The following MYO9A variants were observed in gnomAD, a reference collection of about 807,000 sequenced individuals.
MYO9A encodes the protein unconventional myosin-IXa.
Under a neutral mutation model 293.3 loss-of-function variants are expected in MYO9A, and 103 were observed. The ratio of observed to expected loss-of-function variants is 0.35; its 90% CI spans 0.30 to 0.41. MYO9A has a LOEUF of 0.41. Among genes scored for constraint, MYO9A ranks in the 10% least tolerant of loss-of-function variants. The pLI is 1.00. For missense variants in MYO9A, 2,685 were observed against 3,033.0 expected, an observed-to-expected ratio of 0.89 and a Z score of 2.69; for synonymous variants, 1,001 against 1,035.7, an observed-to-expected ratio of 0.97 and a Z score of 0.64.
intron 41 of MYO9A, 119 bp from the exon 42 acceptor site, chr15:71,827,162 C>T: frequency 1.4e-6 from 1 of 735,508 alleles, no homozygotes; most frequent in South Asian, 2.0e-5. Flanking sequence ...TCAGAGGGTC[C>T]AGGATGACTT....
At chr15:71,841,676 C>A (rs1438851914) in intron 39 of MYO9A, among the ~76,000 whole-genome samples, 10 of 151,526 alleles carry the variant, frequency 6.6e-5, no homozygotes. Flanking sequence ...TAGGGTCTCC[C>A]CCTGTCACCC....
intron 8 of MYO9A, among the ~76,000 whole-genome samples, chr15:72,000,342 T>G (rs549867031): frequency 6.6e-6 from 1 of 152,270 alleles, no homozygotes; most frequent in African/African-American, 2.4e-5. Flanking sequence ...ATATTTCTTC[T>G]TCATGAATCT....
At chr15:71,954,607 C>T (rs1357212402) in intron 14 of MYO9A, among the ~76,000 whole-genome samples, 3 of 152,188 alleles carry the variant, frequency 2.0e-5, no homozygotes, top group Admixed American at 2.0e-4. Context: ...GCACCAAACA[C>T]ATAGTATAAA....
intron 18 of MYO9A, among the ~76,000 whole-genome samples, chr15:71,920,498 T>C (rs1167673453): frequency 6.6e-6 from 1 of 152,172 alleles, no homozygotes; most frequent in Non-Finnish European, 1.5e-5. Flanking sequence ...TCACTAGACA[T>C]CAACTCTGAA....
At chr15:71,908,291 T>C (rs2057727361) in intron 19 of MYO9A, among the ~76,000 whole-genome samples, 1 of 152,182 alleles carries the variant, frequency 6.6e-6, no homozygotes, top group East Asian at 1.9e-4. Flanking sequence ...TCTGTTCTGT[T>C]CCATTGATCT....
Position 71,851,350 on chromosome 15 carries a change from C to T in MYO9A, c.6484G>A (p.Glu2162Lys), listed in dbSNP as rs2055638922. 6.2e-7 allele frequency: 1 copy of T among 1,612,658 alleles called. No individual in the cohort carries two copies. The change falls in exon 37 of 42, where the codon GAG becomes AAG. Residue 2162 changes from glutamate (E) to lysine (K), a missense_variant. By Grantham distance (56) the Glu-to-Lys change is moderately conservative. Around this residue, in one of 10 missense-constraint regions of MYO9A, gnomAD observed 238 missense variants for 269.1 expected, o/e 0.88. Transcript: ENST00000356056. ...ACACCACGGATTGTCTCCTTCCTCT[C>T]CTGAAGGCCTAAAAACAGTAAGAGC... Reference protein sequence around the residue: ...EEFLRAMGLQERKETIRGVYS... With the variant: ...EEFLRAMGLQKRKETIRGVYS...
chr15:72,007,371 A>G (rs1351063371), intron 8 of MYO9A, among the ~76,000 whole-genome samples: 1 of 150,996 alleles, frequency 6.6e-6, no homozygotes, highest in African/African-American at 2.4e-5. Flanking sequence ...GAGAACCTTT[A>G]TGTCCTATTC....
intron 39 of MYO9A, among the ~76,000 whole-genome samples, chr15:71,842,175 C>T (rs2055189593): frequency 6.6e-6 from 1 of 151,668 alleles, no homozygotes. Flanking sequence ...GAGTTCAATA[C>T]CAACCTGGCC....
At chr15:72,002,898 A>G (rs1035225759) in intron 8 of MYO9A, among the ~76,000 whole-genome samples, 1 of 152,228 alleles carries the variant, frequency 6.6e-6, no homozygotes, top group Non-Finnish European at 1.5e-5. Flanking sequence ...GGAAAAAAGG[A>G]AGAAAATATC....
intron 1 of MYO9A, among the ~76,000 whole-genome samples, chr15:72,102,465 C>T (rs1596580929): frequency 7.2e-6 from 1 of 139,598 alleles, no homozygotes; most frequent in South Asian, 2.2e-4. Flanking sequence ...CTGTGAGAAA[C>T]ACCCAAGAAT....
chr15:71,900,527 G>T (rs2143441688), intron 23 of MYO9A, among the ~76,000 whole-genome samples: 1 of 152,228 alleles, frequency 6.6e-6, no homozygotes, highest in South Asian at 2.1e-4. Flanking sequence ...TTCCAGATAT[G>T]TTTGGCTAAA....
Position 71,968,022 on chromosome 15 carries a change from T to A in MYO9A, c.1948A>T (p.Ile650Leu). 1.2e-6 allele frequency: 2 copies of A among 1,611,836 alleles called. No homozygotes were observed. The highest frequency in any genetic ancestry group is 1.7e-6 in the Non-Finnish European group (2 of 1,179,164). Residue 650 changes from isoleucine (I) to leucine (L), a missense_variant, in exon 13 of 42, where the codon ATA (isoleucine) becomes TTA (leucine). This residue lies in a region of MYO9A where 201 missense variants were observed against 245.2 expected (regional missense o/e 0.82). Transcript: ENST00000356056. Reference sequence around the variant, plus strand: ...TTTACTTTTCCAGCATAATGTTTTATAATGAAAGCAGGCTCCATCACGGCT... The same window carrying A: ...TTTACTTTTCCAGCATAATGTTTTAAAATGAAAGCAGGCTCCATCACGGCT... ...FPAVMEPAFI[I>L]KHYAGKVKYG... is the part of the protein sequence containing the mutation.
intron 4 of MYO9A, among the ~76,000 whole-genome samples, chr15:72,024,816 G>A (rs2077613111): frequency 6.6e-6 from 1 of 151,190 alleles, no homozygotes; most frequent in African/African-American, 2.4e-5. Context: ...TAACCAATAA[G>A]AATATAAAAA....
intron 1 of MYO9A, among the ~76,000 whole-genome samples, chr15:72,101,471 G>A (rs1158330894): frequency 1.7e-5 from 2 of 118,556 alleles, no homozygotes; most frequent in Non-Finnish European, 3.6e-5. Flanking sequence ...AGGTGGCGGG[G>A]TCAGCCCCCC....
At chr15:71,992,587 CTG>C (rs2076572496) in intron 10 of MYO9A, among the ~76,000 whole-genome samples, 1 of 151,844 alleles carries the variant, frequency 6.6e-6, no homozygotes, top group Non-Finnish European at 1.5e-5. Context: ...ATTTTTATGA[CTG>C]TGAGTTTACC....
intron 26 of MYO9A, chr15:71,892,890 A>C (rs1169549541): frequency 1.1e-5 from 10 of 929,196 alleles, no homozygotes; most frequent in Non-Finnish European, 1.4e-5. Flanking sequence ...GAAGCTGTGA[A>C]GGTTAGCTTT....
intron 14 of MYO9A, among the ~76,000 whole-genome samples, chr15:71,955,034 C>T (rs945051318): frequency 2.4e-4 from 37 of 152,152 alleles, no homozygotes; most frequent in African/African-American, 8.7e-4. Flanking sequence ...TTTCTATCAC[C>T]CCCCCAAGTT....
At chr15:71,959,553 T>C (rs770976033) in intron 14 of MYO9A, 18 of 182,044 alleles carry the variant, frequency 9.9e-5, no homozygotes, top group African/African-American at 1.4e-4. Flanking sequence ...GATTTTATGA[T>C]TGAAGGGGGA....
At chr15:71,857,058 CAG>C (rs2141539699) in intron 34 of MYO9A, among the ~76,000 whole-genome samples, 1 of 152,244 alleles carries the variant, frequency 6.6e-6, no homozygotes, top group African/African-American at 2.4e-5. Context: ...TGCTGGGACA[CAG>C]ATGTGCAAAT....
Sources: gnomAD v4.1 joint callset for allele counts (sites outside exome capture counted in the v4.1 genomes callset) on GRCh38, gnomAD v4.1.1 for gene constraint, gnomAD v4.1.1 regional missense constraint, MANE v1.5 for transcripts, NCBI Gene and HGNC (gene_info 2026-07-23, HGNC 2026-07-21) for gene names.